Variants in ZNF267 observed in about 807,000 individuals in gnomAD.
ZNF267 encodes the protein zinc finger (C2H2).
Under a neutral mutation model 71.6 loss-of-function variants are expected in ZNF267, and 61 were observed. The observed-to-expected ratio is 0.85, with a 90% CI of 0.69 to 1.05. The LOEUF (loss-of-function observed/expected upper bound fraction) is 1.05, where lower values mean the gene tolerates loss of function less well. Ranked by LOEUF, ZNF267 falls within the 50% of genes least tolerant of loss-of-function variation. The pLI is 0.00. For missense variants in ZNF267, 852 were observed against 870.0 expected (o/e 0.98, Z 0.26); for synonymous variants, 288 against 293.2 (o/e 0.98, Z 0.18).
At chr16:31,894,528 C>A in intron 3 of ZNF267, 1 of 509,154 alleles carries the variant, frequency 2.0e-6, no homozygotes. Flanking sequence ...CTTCTTCTAA[C>A]AAACTACATC....
Position 31,915,820 on chromosome 16 carries a change from T to G in ZNF267, c.1571T>G (p.Val524Gly). 6.2e-7 allele frequency: 1 copy of G among 1,613,122 alleles called. No individual in the cohort carries two copies. Among genetic ancestry groups the G allele is most frequent in the Non-Finnish European group, 8.5e-7 (1 of 1,179,890 alleles). ...HTGENLYKCK[V>G]CAKPFTCFSN... is the part of the protein sequence containing the mutation. ...GGAGAAAATCTTTACAAATGCAAAG[T>G]ATGTGCTAAACCTTTTACTTGTTTC... The change falls in exon 4 of 4, where the codon GTA becomes GGA. Residue 524 changes from valine to glycine, a missense_variant. Physicochemically the swap from Val to Gly is moderately radical, Grantham distance 109. Transcript: ENST00000300870.
chr16:31,874,122 C>G (rs1255744376), intron 1 of ZNF267, 153 bp downstream of exon 1: 5 of 804,508 alleles, frequency 6.2e-6, no homozygotes, highest in Non-Finnish European at 9.8e-6. Flanking sequence ...TCGGTCCCCT[C>G]CGCTGCAAGA....
chr16:31,882,772 G>C (rs539514100), intron 1 of ZNF267, among the ~76,000 whole-genome samples: 1 of 152,256 alleles, frequency 6.6e-6, no homozygotes, highest in African/African-American at 2.4e-5. Context: ...ATTAGCACTG[G>C]TACCAATTTG....
rs2084176333 is a variant in ZNF267, at chr16:31,916,235, T to G, written c.1986T>G (p.Cys662Trp). Residue 662 changes from cysteine to tryptophan, a missense_variant, in exon 4 of 4, where the codon TGT (cysteine) becomes TGG (tryptophan). By Grantham distance (215) the Cys-to-Trp change is radical. Coordinates refer to ENST00000300870, the MANE Select transcript of ZNF267 (RefSeq NM_003414.6). ...RSHTGERPYK[C>W]EECGKAFNSR... Reference sequence around the variant, plus strand: ...ATACTGGAGAGAGACCCTACAAATGTGAAGAATGTGGCAAAGCCTTCAACT... The same window carrying G: ...ATACTGGAGAGAGACCCTACAAATGGGAAGAATGTGGCAAAGCCTTCAACT... 12 of 1,614,136 alleles carry G rather than the reference T, an allele frequency of 7.4e-6. No individual in the cohort carries two copies. Among genetic ancestry groups the G allele is most frequent in the East Asian group, 2.2e-5 (1 of 44,874 alleles).
chr16:31,892,367 T>A (rs2083966099), intron 3 of ZNF267, among the ~76,000 whole-genome samples: 4 of 152,068 alleles, frequency 2.6e-5, no homozygotes, highest in Admixed American at 2.6e-4. Context: ...CCACAACACA[T>A]GGGAATTGAA....
At chr16:31,880,776 G>A (rs2083884258) in intron 1 of ZNF267, among the ~76,000 whole-genome samples, 1 of 152,190 alleles carries the variant, frequency 6.6e-6, no homozygotes, top group African/African-American at 2.4e-5. Context: ...GTTTTCTAAT[G>A]TGTGGGTGAA....
Position 31,915,117 on chromosome 16 carries a change from A to G in ZNF267, c.868A>G (p.Ile290Val), listed in dbSNP as rs767222172. 6.2e-6 allele frequency: 10 copies of G among 1,613,468 alleles called. No homozygotes were observed. In the East Asian group the frequency reaches 6.7e-5, roughly 11 times the overall value. ...LKHIQHQTIH[I>V]RENSYSYNKY... is the part of the protein sequence containing the mutation. ...ACATATTCAACATCAGACCATCCAT[A>G]TCAGAGAAAACTCATATAGCTATAA... Residue 290 changes from isoleucine (I) to valine (V), a missense_variant, in exon 4 of 4, where the codon ATC (isoleucine) becomes GTC (valine). Physicochemically the swap from Ile to Val is conservative, Grantham distance 29. Transcript: ENST00000300870.
chr16:31,897,642 A>G (rs9928704), intron 3 of ZNF267, among the ~76,000 whole-genome samples: 133,739 of 152,084 alleles, frequency 0.88, 60,316 homozygotes, highest in East Asian at 1. Flanking sequence ...AGATCTATTG[A>G]TATTTTGATA....
At chr16:31,878,981 T>G (rs2083872057) in intron 1 of ZNF267, among the ~76,000 whole-genome samples, 1 of 152,242 alleles carries the variant, frequency 6.6e-6, no homozygotes, top group South Asian at 2.1e-4. Context: ...TGGAAAACTT[T>G]CATATGTAAA....
rs766498129 is a variant in ZNF267, at chr16:31,916,003, T to C, written c.1754T>C (p.Phe585Ser). The C allele has an allele frequency of 3.6e-5, 58 of 1,612,692 alleles. No homozygotes were observed. Among genetic ancestry groups the C allele is most frequent in the Non-Finnish European group, 4.7e-5 (55 of 1,178,970 alleles). The change falls in exon 4 of 4, where the codon TTT (phenylalanine) becomes TCT (serine). Residue 585 changes from phenylalanine to serine, a missense_variant. Physicochemically the swap from Phe to Ser is radical, Grantham distance 155. Coordinates refer to ENST00000300870, the MANE Select transcript of ZNF267 (RefSeq NM_003414.6). Reference protein sequence around the residue: ...PYKCKACSKSFSDSSGLTVHR... With the variant: ...PYKCKACSKSSSDSSGLTVHR... ...AAATGTAAAGCATGTAGCAAATCTT[T>C]TAGTGACTCCTCAGGTCTTACTGTG... is the stretch of plus-strand genomic sequence containing the variant.
intron 3 of ZNF267, 99 bp from the exon 4 acceptor site, chr16:31,914,377 G>A (rs2084156440): frequency 9.0e-7 from 1 of 1,110,516 alleles, no homozygotes; most frequent in South Asian, 1.9e-5. Flanking sequence ...CTCAACTGTT[G>A]TTGTATTCTC....
intron 3 of ZNF267, among the ~76,000 whole-genome samples, chr16:31,896,122 C>G (rs1332022024): frequency 1.3e-5 from 2 of 152,160 alleles, no homozygotes; most frequent in African/African-American, 4.8e-5. Context: ...AGTGATGCTC[C>G]TGTCTCATCC....
Position 31,909,064 on chromosome 16 carries a change from C to CGT in ZNF267, c.227-5387_227-5386dup, listed in dbSNP as rs58278411. Among the ~76,000 whole-genome samples the CGT allele has an allele frequency of 3.4e-3, 471 of 138,446 alleles. 2 individuals carry two copies. Among genetic ancestry groups the CGT allele is most frequent in the African/African-American group, 0.012 (424 of 36,284 alleles). 90.8% of individuals were successfully genotyped at this position (138,446 alleles called of 152,430 possible). A position where few individuals can be genotyped will look rare whatever the true frequency, so the allele number is the denominator to read the frequency against. On this transcript the variant is annotated intron_variant, in intron 3 of 3. Coordinates refer to ENST00000300870, the MANE Select transcript of ZNF267 (RefSeq NM_003414.6). ...CAATCCATTGACATGGGATATTTTT[C>CGT]GTGTGTGTGTGTGTGTGTGTGTGTG...
chr16:31,903,270 A>C (rs2084057778), intron 3 of ZNF267, among the ~76,000 whole-genome samples: 1 of 152,176 alleles, frequency 6.6e-6, no homozygotes, highest in South Asian at 2.1e-4. Flanking sequence ...TGTGTCTGCC[A>C]GGCTTTGGTC....
At position 31,875,095 on chromosome 16, in the gene ZNF267, A is replaced by T. The variant is rs1567470012; in HGVS notation, c.3+1126A>T. 10 of 1,285,534 alleles carry T rather than the reference A, an allele frequency of 7.8e-6. No individual in the cohort carries two copies. In the South Asian group the frequency reaches 1.1e-4, roughly 14 times the overall value. The allele number at this position is 1,285,534 out of a possible 1,614,324, so 79.6% of individuals were successfully genotyped here. A position where few individuals can be genotyped will look rare whatever the true frequency, so the allele number is the denominator to read the frequency against. ...TTTCATTCATCTTCCCCAGGCACAG[A>T]CACGTTATCGGAAAGAATGTCTTTT... is the stretch of plus-strand genomic sequence containing the variant. On this transcript the variant is annotated intron_variant, in intron 1 of 3. Transcript: ENST00000300870.
chr16:31,906,796 G>A (rs144353435), intron 3 of ZNF267, among the ~76,000 whole-genome samples: 2 of 152,022 alleles, frequency 1.3e-5, no homozygotes, highest in East Asian at 3.9e-4. Flanking sequence ...TGCATCCACT[G>A]TCTGGCACTC....
At chr16:31,907,027 C>T (rs985324341) in intron 3 of ZNF267, among the ~76,000 whole-genome samples, 2 of 152,078 alleles carry the variant, frequency 1.3e-5, no homozygotes, top group African/African-American at 4.8e-5. Context: ...ATATATCATC[C>T]TGCCATCTTC....
In ZNF267 at chr16:31,873,911, T is replaced by G. The variant is rs2083832190; in HGVS notation, c.-56T>G. 1 of 1,613,124 alleles carries G rather than the reference T, an allele frequency of 6.2e-7. No individual in the cohort carries two copies. Among genetic ancestry groups the G allele is most frequent in the African/African-American group, 1.3e-5 (1 of 74,974 alleles). ...AACAGAACCTCTGTTGCTCTGCGAC[T>G]TGCAGGCACTGGGAGATTCGTAGCT... On this transcript the variant is annotated 5_prime_UTR_variant, in exon 1 of 4. Transcript: ENST00000300870.
intron 3 of ZNF267, among the ~76,000 whole-genome samples, chr16:31,886,804 G>A (rs1479354364): frequency 6.6e-6 from 1 of 152,144 alleles, no homozygotes; most frequent in Non-Finnish European, 1.5e-5. Flanking sequence ...TCTATATATT[G>A]TGAATAATTG....
Sources: gnomAD v4.1 joint callset for allele counts (sites outside exome capture counted in the v4.1 genomes callset) on GRCh38, gnomAD v4.1.1 for gene constraint, MANE v1.5 for transcripts, NCBI Gene and HGNC (gene_info 2026-07-23, HGNC 2026-07-21) for gene names.